AFAP1: variants seen among roughly 807,000 people sequenced by gnomAD.
The protein encoded by AFAP1 is actin filament-associated protein 1.
A neutral mutation model predicts 93.9 loss-of-function variants in AFAP1; 75 were observed. The ratio of observed to expected loss-of-function variants is 0.80; its 90% CI spans 0.66 to 0.97. The LOEUF (loss-of-function observed/expected upper bound fraction) is 0.97. Ranked by LOEUF, AFAP1 falls within the 50% of genes least tolerant of loss-of-function variation. AFAP1 has a pLI of 0.00. For synonymous variants in AFAP1, 517 were observed against 430.7 expected (o/e 1.20, Z -2.48); for missense variants, 1,201 against 1,050.8 (o/e 1.14, Z -1.98).
In AFAP1 at chr4:7,885,321, T is replaced by A. The variant is rs1164717797; in HGVS notation, c.-2-13241A>T. 2.6e-5 allele frequency among the ~76,000 whole-genome samples: 4 copies of A among 152,314 alleles called. No homozygotes were observed. The East Asian group carries it at 7.7e-4, about 29-fold the overall frequency. On this transcript the variant is annotated intron_variant, in intron 1 of 17. Transcript: ENST00000420658. ...TGCTTCTGCCCCAGGCCTCTGCACG[T>A]GCCACTGCTCTCTGCCCGGTATGCT...
In AFAP1 at chr4:7,800,427, TG is replaced by T; in HGVS notation, c.1266+14del. On this transcript the variant is annotated intron_variant, in intron 10 of 17. Transcript: ENST00000420658. ...GTGTCCCTCTGTGGAGTACAGCCCC[TG>T]GGAAATATCCTACCTCCAATACTGC... The T allele has an allele frequency of 6.2e-7, 1 of 1,613,508 alleles. No individual in the cohort carries two copies. Among genetic ancestry groups the T allele is most frequent in the Non-Finnish European group, 8.5e-7 (1 of 1,179,738 alleles).
intron 12 of AFAP1, among the ~76,000 whole-genome samples, chr4:7,782,078 CTACA>C (rs1716829525): frequency 1.3e-5 from 2 of 152,148 alleles, no homozygotes; most frequent in Admixed American, 6.5e-5. Context: ...TGCTCTGGGT[CTACA>C]TAAAGACACA....
At chr4:7,844,524 A>G (rs1298249787) in intron 4 of AFAP1, among the ~76,000 whole-genome samples, 1 of 152,180 alleles carries the variant, frequency 6.6e-6, no homozygotes, top group Non-Finnish European at 1.5e-5. Context: ...GGCCCAACAC[A>G]GAGCGGATCG....
intron 11 of AFAP1, among the ~76,000 whole-genome samples, chr4:7,787,282 T>C (rs191130055): frequency 2.6e-5 from 4 of 152,222 alleles, no homozygotes; most frequent in Non-Finnish European, 5.9e-5. Flanking sequence ...GTGCCCCACA[T>C]GCTTTGCCCG....
In AFAP1 at chr4:7,831,629, T is replaced by C. The variant is rs557653608; in HGVS notation, c.726+6895A>G. On this transcript the variant is annotated intron_variant, in intron 6 of 17. Coordinates refer to ENST00000420658, the MANE Select transcript of AFAP1 (RefSeq NM_001134647.2). ...CCAGTGACACTCCAGGATGACTTCA[T>C]GTCAGACCAGCACCAGCAAGAAGGG... 4.7e-4 allele frequency among the ~76,000 whole-genome samples: 71 copies of C among 152,296 alleles called. No homozygotes were observed. In the East Asian group the frequency reaches 0.01, roughly 22 times the overall value.
At chr4:7,897,534 G>GT (rs1306371061) in intron 1 of AFAP1, among the ~76,000 whole-genome samples, 4 of 131,428 alleles carry the variant, frequency 3.0e-5, no homozygotes, top group African/African-American at 1.0e-4. Context: ...TTGTTTTTGT[G>GT]GTTTTTTTGA....
rs1430149967 is a variant in AFAP1 at position 7,763,153 on chromosome 4, C to A, written c.*612G>T. The A allele has an allele frequency of 6.6e-6, 1 of 152,546 alleles. No individual in the cohort carries two copies. The highest frequency in any genetic ancestry group is 1.5e-5 in the Non-Finnish European group (1 of 68,048). 9.4% of individuals were successfully genotyped at this position (152,546 alleles called of 1,614,324 possible). A position where few individuals can be genotyped will look rare whatever the true frequency, so the allele number is the denominator to read the frequency against. The stretch of plus-strand genomic sequence containing the variant: ...ATGTCTTGGTGACAAAAGCATCTGT[C>A]CAAAAAATAATAATAAAAGGTAAAA... On this transcript the variant is annotated 3_prime_UTR_variant, in exon 18 of 18. Coordinates refer to ENST00000420658, the MANE Select transcript of AFAP1 (RefSeq NM_001134647.2).
intron 3 of AFAP1, among the ~76,000 whole-genome samples, chr4:7,860,550 G>C (rs2149155763): frequency 6.6e-6 from 1 of 152,280 alleles, no homozygotes; most frequent in Middle Eastern, 3.4e-3. Context: ...ATAACAGTCA[G>C]ATGTCAGCCT....
intron 9 of AFAP1, chr4:7,809,384 T>C: frequency 2.7e-6 from 1 of 376,770 alleles, no homozygotes; most frequent in East Asian, 4.7e-5. Context: ...AATTTTTTTT[T>C]TTCCTTGAAA....
intron 6 of AFAP1, among the ~76,000 whole-genome samples, chr4:7,832,838 T>G (rs1001482802): frequency 6.6e-6 from 1 of 152,090 alleles, no homozygotes; most frequent in Non-Finnish European, 1.5e-5. Context: ...GGGAACAGAA[T>G]AGAGAACCCA....
intron 1 of AFAP1, among the ~76,000 whole-genome samples, chr4:7,876,859 G>A (rs1033273336): frequency 6.6e-6 from 1 of 152,228 alleles, no homozygotes; most frequent in African/African-American, 2.4e-5. Flanking sequence ...ATAGCAGACA[G>A]TTGTAATTGT....
intron 6 of AFAP1, among the ~76,000 whole-genome samples, chr4:7,828,991 G>T (rs13103193): frequency 0.16 from 24,095 of 152,252 alleles, 2,457 homozygotes; most frequent in Non-Finnish European, 0.23. Flanking sequence ...CCTTCATGCT[G>T]TTCTCGTGAT....
intron 1 of AFAP1, among the ~76,000 whole-genome samples, chr4:7,930,070 C>T (rs573780326): frequency 5.3e-5 from 8 of 152,244 alleles, no homozygotes; most frequent in South Asian, 4.2e-4. Context: ...ATTTTGTCAC[C>T]GGCAAAATGA....
At chr4:7,888,841 A>T (rs1718275377) in intron 1 of AFAP1, among the ~76,000 whole-genome samples, 1 of 152,034 alleles carries the variant, frequency 6.6e-6, no homozygotes, top group Admixed American at 6.5e-5. Flanking sequence ...CTCAGGCTGG[A>T]GTGCAGTGGC....
At chr4:7,820,909 G>A (rs569927218) in intron 6 of AFAP1, among the ~76,000 whole-genome samples, 2 of 151,970 alleles carry the variant, frequency 1.3e-5, no homozygotes, top group Non-Finnish European at 2.9e-5. Context: ...ACCAGAGGTC[G>A]GGAGCTCAAT....
intron 6 of AFAP1, among the ~76,000 whole-genome samples, chr4:7,821,961 G>C (rs1441902796): frequency 5.9e-5 from 9 of 152,186 alleles, no homozygotes; most frequent in Non-Finnish European, 1.2e-4. Context: ...TGCTAATGCC[G>C]AGGTGTGGAA....
intron 3 of AFAP1, among the ~76,000 whole-genome samples, chr4:7,856,214 G>A (rs1392622213): frequency 2.6e-5 from 4 of 152,086 alleles, no homozygotes; most frequent in Non-Finnish European, 2.9e-5. Context: ...CTCTAGAGAT[G>A]GAATCCACTC....
rs28410206 is a variant in AFAP1, at chr4:7,889,345, C to A, written c.-2-17265G>T. 5.3e-5 allele frequency among the ~76,000 whole-genome samples: 8 copies of A among 151,412 alleles called. No individual in the cohort carries two copies. In the East Asian group the frequency reaches 9.9e-4, roughly 19 times the overall value. ...GGACGGATCACGAGGTCAGGAGATC[C>A]AGATCATCCTGGCTAACATGGTGAA... On this transcript the variant is annotated intron_variant, in intron 1 of 17. Coordinates refer to ENST00000420658, the MANE Select transcript of AFAP1 (RefSeq NM_001134647.2).
intron 4 of AFAP1, chr4:7,843,594 A>G (rs1312236506): frequency 2.2e-6 from 1 of 449,222 alleles, no homozygotes; most frequent in African/African-American, 2.0e-5. Flanking sequence ...AACTGTTTCT[A>G]GACTGTTTCA....
Sources: gnomAD v4.1 joint callset for allele counts (sites outside exome capture counted in the v4.1 genomes callset) on GRCh38, gnomAD v4.1.1 for gene constraint, MANE v1.5 for transcripts, NCBI Gene and HGNC (gene_info 2026-07-23, HGNC 2026-07-21) for gene names.